DDX50: variants seen among roughly 807,000 people sequenced by gnomAD.
The protein encoded by DDX50 is DExD-box helicase 50.
A neutral mutation model predicts 94.8 loss-of-function variants in DDX50; 56 were observed. The ratio of observed to expected loss-of-function variants is 0.59; its 90% CI spans 0.48 to 0.74. The LOEUF (loss-of-function observed/expected upper bound fraction) is 0.74, where lower values mean the gene tolerates loss of function less well. DDX50 is among the 30% of genes least tolerant of loss of function. The pLI is 0.00. For synonymous variants in DDX50, 264 were observed against 295.4 expected, an observed-to-expected ratio of 0.89 and a Z score of 1.09; for missense variants, 713 against 881.2, an observed-to-expected ratio of 0.81 and a Z score of 2.42.
chr10:68,902,857 A>T (rs1289900218), intron 1 of DDX50, among the ~76,000 whole-genome samples: 4 of 152,186 alleles, frequency 2.6e-5, no homozygotes, highest in Admixed American at 6.5e-5. Flanking sequence ...TCATCATTTG[A>T]TTGACATTTG....
At chr10:68,926,437 C>T (rs1777505598) in intron 8 of DDX50, among the ~76,000 whole-genome samples, 1 of 151,786 alleles carries the variant, frequency 6.6e-6, no homozygotes, top group Non-Finnish European at 1.5e-5. Context: ...ATCCTCCATT[C>T]TGCTGGGTGA....
chr10:68,905,986 A>G (rs1841434615), intron 1 of DDX50, among the ~76,000 whole-genome samples: 1 of 152,210 alleles, frequency 6.6e-6, no homozygotes, highest in African/African-American at 2.4e-5. Context: ...AATCCTTGGA[A>G]CTAGTTGTAT....
intron 8 of DDX50, among the ~76,000 whole-genome samples, chr10:68,921,011 A>G (rs7084275): frequency 0.57 from 86,094 of 149,792 alleles, 25,980 homozygotes; most frequent in East Asian, 0.89. Context: ...AACATGGACA[A>G]AAGTTGGTAG....
intron 1 of DDX50, among the ~76,000 whole-genome samples, chr10:68,904,680 A>C (rs1259238866): frequency 1.3e-5 from 2 of 152,224 alleles, no homozygotes; most frequent in Non-Finnish European, 2.9e-5. Flanking sequence ...CTGGGCTTAG[A>C]CCGAGAGGTC....
intron 13 of DDX50, 40 bp from the exon 14 acceptor site, chr10:68,943,173 T>G (rs755559368): frequency 9.4e-6 from 15 of 1,590,398 alleles, no homozygotes; most frequent in Non-Finnish European, 1.1e-5. Flanking sequence ...TCTACACATA[T>G]GCATCTAATT....
chr10:68,934,816 C>A lies in DDX50; in HGVS notation c.1419C>A (p.Ile473=). ...ATCTTTAGGATGTTGAGTCCTATAT[C>A]CATCGCTCTGGACGCACAGGTAGAG... ...SSPPQDVESY[I]HRSGRTGRAG... is the part of the protein sequence containing the mutation. Residue 473 remains isoleucine, a synonymous_variant, in exon 10 of 15, where the codon ATC becomes ATA. Coordinates refer to ENST00000373585, the MANE Select transcript of DDX50 (RefSeq NM_024045.2). The surrounding 1 kb of genome is among the most constrained non-coding windows in gnomAD (Gnocchi z 4.0). 1 of 1,609,834 alleles carries A rather than the reference C, an allele frequency of 6.2e-7. No individual in the cohort carries two copies. The highest frequency in any genetic ancestry group is 8.5e-7 in the Non-Finnish European group (1 of 1,178,610).
rs1160859028 is a variant in DDX50, at chr10:68,943,154, CA to C, written c.1891-51del. 87 of 1,532,990 alleles carry C rather than the reference CA, an allele frequency of 5.7e-5. No homozygotes were observed. The East Asian group carries it at 8.1e-4, about 14-fold the overall frequency. 95.0% of individuals were successfully genotyped at this position (1,532,990 alleles called of 1,614,324 possible). A position where few individuals can be genotyped will look rare whatever the true frequency, so the allele number is the denominator to read the frequency against. Reference sequence around the variant, plus strand: ...ACTGAGTCATGCATTATTAGTAAAACAAAAAAAATCTACACATATGCATCTA... The same window carrying C: ...ACTGAGTCATGCATTATTAGTAAAACAAAAAAATCTACACATATGCATCTA... On this transcript the variant is annotated intron_variant, in intron 13 of 14. Coordinates refer to ENST00000373585, the MANE Select transcript of DDX50 (RefSeq NM_024045.2).
At chr10:68,928,728 C>G (rs905040661) in intron 8 of DDX50, among the ~76,000 whole-genome samples, 3 of 152,250 alleles carry the variant, frequency 2.0e-5, no homozygotes. Flanking sequence ...CACAGACACA[C>G]CAACCTTTAT....
Position 68,946,740 on chromosome 10 carries a change from A to C in DDX50, c.*110A>C. On this transcript the variant is annotated 3_prime_UTR_variant, in exon 15 of 15. Coordinates refer to ENST00000373585, the MANE Select transcript of DDX50 (RefSeq NM_024045.2). Reference sequence around the variant, plus strand: ...GTTGAGGTATGTGTCTGCTATTTGCAAAGAAGTTGGTCGTATTTTTTTAAA... The same window carrying C: ...GTTGAGGTATGTGTCTGCTATTTGCCAAGAAGTTGGTCGTATTTTTTTAAA... 1 of 1,378,812 alleles carries C rather than the reference A, an allele frequency of 7.3e-7. No homozygotes were observed. Among genetic ancestry groups the C allele is most frequent in the Non-Finnish European group, 9.8e-7 (1 of 1,022,546 alleles). The allele number at this position is 1,378,812 out of a possible 1,614,324, so 85.4% of individuals were successfully genotyped here.
chr10:68,914,261 AT>A (rs781662527), intron 7 of DDX50, 57 bp downstream of exon 7: 4 of 1,587,448 alleles, frequency 2.5e-6, no homozygotes, highest in Non-Finnish European at 3.4e-6. Context: ...TACTTTTGAC[AT>A]TTGTTGAAGC....
rs760232514 is a variant in DDX50, at chr10:68,946,592, C to G, written c.2176C>G (p.Arg726Gly). The G allele has an allele frequency of 6.8e-6, 11 of 1,613,906 alleles. No homozygotes were observed. The East Asian group carries it at 2.0e-4, about 29-fold the overall frequency. ...TAGAAGACGAAGTGGGAATAGAAAT[C>G]GATCAAGAAGTGGGGGCCACAAACG... ...DGRRRSGNRN[R>G]SRSGGHKRSF... is the part of the protein sequence containing the mutation. The change falls in exon 15 of 15, where the codon CGA becomes GGA. Residue 726 changes from arginine to glycine, a missense_variant. Physicochemically the swap from Arg to Gly is moderately radical, Grantham distance 125. Transcript: ENST00000373585.
At chr10:68,932,096 T>TATTG (rs1339052100) in intron 8 of DDX50, among the ~76,000 whole-genome samples, 1 of 152,218 alleles carries the variant, frequency 6.6e-6, no homozygotes, top group Admixed American at 6.5e-5. Flanking sequence ...CATCATACTG[T>TATTG]ATTGAAGATG....
chr10:68,927,780 A>G (rs958381565), intron 8 of DDX50, among the ~76,000 whole-genome samples: 2 of 152,200 alleles, frequency 1.3e-5, no homozygotes, highest in African/African-American at 4.8e-5. Context: ...TTTATATAGT[A>G]GATATATTTT....
intron 7 of DDX50, among the ~76,000 whole-genome samples, chr10:68,915,149 T>A (rs10740314): frequency 6.6e-6 from 1 of 152,100 alleles, no homozygotes; most frequent in Non-Finnish European, 1.5e-5. Context: ...CGTGGTGGCT[T>A]ACGCCTGTAA....
intron 8 of DDX50, among the ~76,000 whole-genome samples, chr10:68,921,219 A>C (rs150237846): frequency 6.6e-6 from 1 of 152,188 alleles, no homozygotes; most frequent in East Asian, 1.9e-4. Flanking sequence ...CACATCTAAA[A>C]AATTAATATT....
rs752529274 is a variant in DDX50 at position 68,936,942 on chromosome 10, G to A, written c.1602G>A (p.Leu534=). Residue 534 remains leucine (L), a synonymous_variant, in exon 12 of 15, where the codon CTG becomes CTA. Coordinates refer to ENST00000373585, the MANE Select transcript of DDX50 (RefSeq NM_024045.2). ...TACTATTTTTAAACCATAGGTCTCT[G>A]GCTTCCGTTTCTTACGCTGCTGTTG... The part of the protein sequence containing the change: ...KSKSMDAIRS[L]ASVSYAAVDF... 5 of 1,599,498 alleles carry A rather than the reference G, an allele frequency of 3.1e-6. No individual in the cohort carries two copies. In the African/African-American group the frequency reaches 6.7e-5, roughly 22 times the overall value.
rs1491070496 is a variant in DDX50, at chr10:68,931,412, T to TAC, written c.1240-2786_1240-2785insCA. 2.0e-3 allele frequency among the ~76,000 whole-genome samples: 60 copies of TAC among 30,094 alleles called. 1 individual carries two copies. Among genetic ancestry groups the TAC allele is most frequent in the Non-Finnish European group, 3.2e-3 (54 of 16,626 alleles). The allele number at this position is 30,094 out of a possible 152,430, so 19.7% of individuals were successfully genotyped here. A position where few individuals can be genotyped will look rare whatever the true frequency, so the allele number is the denominator to read the frequency against. ...AAAAAAATATATATATATATATATGTATATATATATATATACACAAACACA... is the reference window on the plus strand; with the variant it reads ...AAAAAAATATATATATATATATATGTACATATATATATATATACACAAACACA... On this transcript the variant is annotated intron_variant, in intron 8 of 14. Transcript: ENST00000373585.
chr10:68,918,966 A>G (rs1415954128), intron 7 of DDX50, among the ~76,000 whole-genome samples: 3 of 152,026 alleles, frequency 2.0e-5, no homozygotes, highest in Non-Finnish European at 4.4e-5. Context: ...TGCCTTTTCT[A>G]TGTTTAGATA....
In DDX50 at chr10:68,925,094, G is replaced by GTTT. The variant is rs752888119; in HGVS notation, c.1239+5113_1239+5114insTTT. Among the ~76,000 whole-genome samples, 289 of 88,984 alleles carry GTTT rather than the reference G, an allele frequency of 3.2e-3. 15 individuals carry two copies. Among genetic ancestry groups the GTTT allele is most frequent in the African/African-American group, 9.4e-3 (238 of 25,242 alleles). 58.4% of individuals were successfully genotyped at this position (88,984 alleles called of 152,430 possible). On this transcript the variant is annotated intron_variant, in intron 8 of 14. Coordinates refer to ENST00000373585, the MANE Select transcript of DDX50 (RefSeq NM_024045.2). Reference sequence around the variant, plus strand: ...ACAAGAATTATCCTTCCCTGCTCATGGTTTTTTTTTTTTTTTTTTTTTTTT... The same window carrying GTTT: ...ACAAGAATTATCCTTCCCTGCTCATGTTTGTTTTTTTTTTTTTTTTTTTTTTTT...
Sources: allele counts gnomAD v4.1 joint callset (sites outside exome capture counted in the v4.1 genomes callset), GRCh38; gene constraint gnomAD v4.1.1; non-coding constraint Gnocchi (gnomAD v3.1); transcripts MANE v1.5; gene names NCBI Gene and HGNC (gene_info 2026-07-23, HGNC 2026-07-21).